NCALD: variants seen among roughly 807,000 people sequenced by gnomAD.
The protein encoded by NCALD is neurocalcin-delta.
A neutral mutation model predicts 18.6 loss-of-function variants in NCALD; 10 were observed. The ratio of observed to expected loss-of-function variants is 0.54; its 90% CI spans 0.33 to 0.91. The LOEUF (loss-of-function observed/expected upper bound fraction) is 0.91. NCALD is among the 40% of genes least tolerant of loss of function. The pLI is 0.03. For missense variants in NCALD, 184 were observed against 247.6 expected (o/e 0.74, Z 1.72); for synonymous variants, 88 against 87.4 (o/e 1.01, Z -0.04).
At chr8:101,758,404 A>G (rs1761535526) in intron 1 of NCALD, among the ~76,000 whole-genome samples, 1 of 152,236 alleles carries the variant, frequency 6.6e-6, no homozygotes. Context: ...ACAAGTGCTT[A>G]CTTTCCAATG....
At chr8:101,744,494 T>A (rs1351922500) in intron 1 of NCALD, among the ~76,000 whole-genome samples, 1 of 152,240 alleles carries the variant, frequency 6.6e-6, no homozygotes, top group East Asian at 1.9e-4. Context: ...AGACACGTAG[T>A]GCTGGCAGAT....
At chr8:101,798,109 A>T (rs1490444980) in intron 4 of NCALD, among the ~76,000 whole-genome samples, 1 of 152,202 alleles carries the variant, frequency 6.6e-6, no homozygotes, top group Non-Finnish European at 1.5e-5. Context: ...CCAGGTAAGG[A>T]TGTACACTCT....
intron 4 of NCALD, among the ~76,000 whole-genome samples, chr8:101,809,954 A>G (rs1227075750): frequency 6.6e-6 from 1 of 152,114 alleles, no homozygotes. Flanking sequence ...CACAAATTCT[A>G]TTTCTCTCTG....
chr8:102,076,680 A>G (rs1824359836), intron 1 of NCALD, among the ~76,000 whole-genome samples: 1 of 151,702 alleles, frequency 6.6e-6, no homozygotes. Flanking sequence ...TGGATTGAAT[A>G]AATCCTCTCT....
chr8:101,988,024 G>A (rs1820882035), intron 2 of NCALD, among the ~76,000 whole-genome samples: 2 of 151,672 alleles, frequency 1.3e-5, no homozygotes, highest in Admixed American at 1.3e-4. Context: ...GCGTAGTGGC[G>A]GGCGCCTGTA....
intron 2 of NCALD, among the ~76,000 whole-genome samples, chr8:101,988,190 GAAAAA>G (rs1220338597): frequency 7.4e-5 from 10 of 134,262 alleles, no homozygotes; most frequent in Admixed American, 3.7e-4. Context: ...GAAAAGAAAA[GAAAAA>G]AAAAAGTAAC....
intron 2 of NCALD, among the ~76,000 whole-genome samples, chr8:101,936,744 C>T (rs1017448784): frequency 2.6e-5 from 4 of 152,066 alleles, no homozygotes; most frequent in African/African-American, 7.2e-5. Flanking sequence ...TAATATGCAG[C>T]CAAGGTTGAG....
intron 4 of NCALD, among the ~76,000 whole-genome samples, chr8:101,859,334 G>C (rs1254050438): frequency 2.0e-5 from 3 of 152,182 alleles, no homozygotes; most frequent in Non-Finnish European, 4.4e-5. Context: ...CTACTTTTAA[G>C]GTTTTGGGAT....
intron 4 of NCALD, among the ~76,000 whole-genome samples, chr8:101,878,146 C>T (rs762440136): frequency 6.6e-6 from 1 of 152,160 alleles, no homozygotes; most frequent in Non-Finnish European, 1.5e-5. Context: ...TGGCTGTTAA[C>T]ATTAATATAA....
At chr8:101,918,234 T>C (rs897072619) in intron 2 of NCALD, among the ~76,000 whole-genome samples, 2 of 152,008 alleles carry the variant, frequency 1.3e-5, no homozygotes, top group Non-Finnish European at 2.9e-5. Context: ...GCAAAAACCA[T>C]ATGATCATCT....
rs1393430458 is a variant in NCALD, at chr8:101,689,531, C to G, written c.485-125G>C. On this transcript the variant is annotated intron_variant, in intron 3 of 3. Transcript: ENST00000220931. The surrounding 1 kb of genome is among the most constrained non-coding windows in gnomAD (Gnocchi z 4.4). ...GCAGCCTCACTGCCACTGTGACACACAGCACTCACCTGTCCCGGGGAAGAG... is the reference window on the plus strand; with the variant it reads ...GCAGCCTCACTGCCACTGTGACACAGAGCACTCACCTGTCCCGGGGAAGAG... 2.9e-6 allele frequency: 2 copies of G among 694,272 alleles called. No homozygotes were observed. Among genetic ancestry groups the G allele is most frequent in the Non-Finnish European group, 5.0e-6 (2 of 400,826 alleles). 43.0% of individuals were successfully genotyped at this position (694,272 alleles called of 1,614,324 possible).
At chr8:101,985,550 T>A (rs1222310773) in intron 2 of NCALD, among the ~76,000 whole-genome samples, 1 of 152,218 alleles carries the variant, frequency 6.6e-6, no homozygotes, top group Non-Finnish European at 1.5e-5. Context: ...TTTATATTTT[T>A]AAAAACTGTG....
chr8:101,843,663 A>G (rs1030003629), intron 4 of NCALD, among the ~76,000 whole-genome samples: 1 of 146,562 alleles, frequency 6.8e-6, no homozygotes, highest in African/African-American at 2.6e-5. Context: ...AGCAACTTCC[A>G]CCTCCTGGGT....
intron 2 of NCALD, among the ~76,000 whole-genome samples, chr8:102,005,469 T>C (rs113666736): frequency 0.28 from 42,895 of 151,970 alleles, 6,752 homozygotes; most frequent in African/African-American, 0.42. Context: ...GTCAGTGTGG[T>C]GATTCCTCAG....
chr8:101,770,878 G>A (rs984716871), intron 1 of NCALD, among the ~76,000 whole-genome samples: 9 of 152,048 alleles, frequency 5.9e-5, no homozygotes, highest in African/African-American at 1.4e-4. Flanking sequence ...TCTTTAGGCC[G>A]TATTACAATG....
At chr8:101,924,897 T>A (rs1461063815) in intron 2 of NCALD, among the ~76,000 whole-genome samples, 1 of 152,206 alleles carries the variant, frequency 6.6e-6, no homozygotes, top group Non-Finnish European at 1.5e-5. Context: ...TTTAAGAGGA[T>A]TCAGGCTTCC....
chr8:101,691,938 T>C, intron 3 of NCALD: 2 of 985,446 alleles, frequency 2.0e-6, no homozygotes, highest in Non-Finnish European at 1.2e-6. Flanking sequence ...AGCCGGGCCC[T>C]GAGCTGAGCT....
rs145727730 is a variant in NCALD at position 101,855,236 on chromosome 8, C to T, written c.-20+31905G>A. 3.2e-3 allele frequency among the ~76,000 whole-genome samples: 487 copies of T among 152,234 alleles called. 3 individuals are homozygous for T. Among genetic ancestry groups the T allele is most frequent in the Admixed American group, 5.7e-3 (87 of 15,290 alleles). On this transcript the variant is annotated intron_variant, in intron 4 of 6. Transcript: ENST00000311028. ...CTAGACACTTAGGAGGATAATACCCCATCCCCTTGCTATTGGATAGGACTA... is the reference window on the plus strand; with the variant it reads ...CTAGACACTTAGGAGGATAATACCCTATCCCCTTGCTATTGGATAGGACTA...
chr8:102,113,814 T>A (rs16869125), intron 1 of NCALD, among the ~76,000 whole-genome samples: 2,173 of 152,342 alleles, frequency 0.014, 72 homozygotes, highest in African/African-American at 0.049. Context: ...TGGGCACTTA[T>A]ATTAGTTTTT....
Sources: allele counts gnomAD v4.1 joint callset (sites outside exome capture counted in the v4.1 genomes callset), GRCh38; gene constraint gnomAD v4.1.1; non-coding constraint Gnocchi (gnomAD v3.1); transcripts MANE v1.5; gene names NCBI Gene and HGNC (gene_info 2026-07-23, HGNC 2026-07-21).